The following BABAM2 variants were observed in gnomAD, a reference collection of about 807,000 sequenced individuals.
The protein encoded by BABAM2 is BRISC and BRCA1 A complex member 2.
Under a neutral mutation model 54.7 loss-of-function variants are expected in BABAM2, and 31 were observed. That is an observed-to-expected ratio of 0.57 (90% CI 0.43 to 0.77). BABAM2 has a LOEUF of 0.77. Among genes scored for constraint, BABAM2 ranks in the 30% least tolerant of loss-of-function variants. BABAM2 has a pLI of 0.00. For missense variants in BABAM2, 364 were observed against 455.8 expected (o/e 0.80, Z 1.83); for synonymous variants, 167 against 162.9 (o/e 1.03, Z -0.19).
rs199832012 is a variant in BABAM2, at chr2:28,127,978, G to GT, written c.571-1286dup. ...CCCACCACCACGCCCGGCTAATTTTGTTTTTTTGTATTTTTAGTAGAGACC... is the reference window on the plus strand; with the variant it reads ...CCCACCACCACGCCCGGCTAATTTTGTTTTTTTTGTATTTTTAGTAGAGACC... On this transcript the variant is annotated intron_variant, in intron 6 of 11. Coordinates refer to ENST00000379624, the MANE Select transcript of BABAM2 (RefSeq NM_199191.3). Among the ~76,000 whole-genome samples the GT allele has an allele frequency of 1.4e-4, 21 of 151,860 alleles. 1 individual carries two copies. In the South Asian group the frequency reaches 3.5e-3, roughly 26 times the overall value.
intron 11 of BABAM2, among the ~76,000 whole-genome samples, chr2:28,318,401 T>C (rs1689747726): frequency 6.6e-6 from 1 of 152,184 alleles, no homozygotes; most frequent in African/African-American, 2.4e-5. Context: ...TGAATTGTTA[T>C]AATAGAATAC....
intron 7 of BABAM2, among the ~76,000 whole-genome samples, chr2:28,161,274 C>G (rs528647249): frequency 6.6e-6 from 1 of 152,192 alleles, no homozygotes; most frequent in East Asian, 1.9e-4. Flanking sequence ...CTTGTACCAA[C>G]GGGCTTCACT....
chr2:28,260,008 C>A (rs1684349675), intron 10 of BABAM2, among the ~76,000 whole-genome samples: 1 of 151,778 alleles, frequency 6.6e-6, no homozygotes, highest in Non-Finnish European at 1.5e-5. Flanking sequence ...TCAAGTAATT[C>A]CTCTGCCTCA....
At position 27,941,290 on chromosome 2, in the gene BABAM2, C is replaced by T. The variant is rs542044687; in HGVS notation, c.205+11382C>T. The stretch of plus-strand genomic sequence containing the variant: ...TGTCTTTAACAATAGAGCAGCCAGG[C>T]GCGGTGGCTCACGCCTGTAATCCCA... On this transcript the variant is annotated intron_variant, in intron 3 of 11. Transcript: ENST00000379624. 3.7e-4 allele frequency among the ~76,000 whole-genome samples: 56 copies of T among 152,158 alleles called. No individual in the cohort carries two copies. In the South Asian group the frequency reaches 7.7e-3, roughly 21 times the overall value.
intron 3 of BABAM2, among the ~76,000 whole-genome samples, chr2:27,933,766 T>G (rs1342776616): frequency 7.1e-6 from 1 of 141,410 alleles, no homozygotes; most frequent in African/African-American, 2.7e-5. Flanking sequence ...CCTGGCTTGT[T>G]TTTTTTTTTT....
intron 7 of BABAM2, among the ~76,000 whole-genome samples, chr2:28,155,988 G>A (rs945705504): frequency 8.5e-5 from 13 of 152,142 alleles, no homozygotes; most frequent in African/African-American, 3.1e-4. Context: ...CACCTCCTCT[G>A]TGTGAGAAGA....
intron 1 of BABAM2, among the ~76,000 whole-genome samples, chr2:27,893,724 G>A (rs1665046287): frequency 6.6e-6 from 1 of 152,094 alleles, no homozygotes; most frequent in South Asian, 2.1e-4. Context: ...GGCCGGGTGC[G>A]GTGGCTCACG....
chr2:28,292,790 T>A (rs1208741461), intron 10 of BABAM2, among the ~76,000 whole-genome samples: 4 of 152,184 alleles, frequency 2.6e-5, no homozygotes, highest in Admixed American at 2.0e-4. Flanking sequence ...CAGGACTGAG[T>A]CACATTTCCA....
At chr2:28,306,801 A>G (rs574936938) in intron 11 of BABAM2, among the ~76,000 whole-genome samples, 172 of 151,282 alleles carry the variant, frequency 1.1e-3, no homozygotes, top group African/African-American at 4.0e-3. Context: ...GGTTCAAGCA[A>G]TTCTCCTGCC....
chr2:27,955,181 C>T (rs1003982804), intron 3 of BABAM2, among the ~76,000 whole-genome samples: 3 of 152,186 alleles, frequency 2.0e-5, no homozygotes, highest in Non-Finnish European at 4.4e-5. Context: ...GTTGCCAGCC[C>T]AAGGGCTGAT....
chr2:27,947,318 T>C (rs936681307), intron 3 of BABAM2, among the ~76,000 whole-genome samples: 2 of 152,190 alleles, frequency 1.3e-5, no homozygotes, highest in African/African-American at 2.4e-5. Context: ...GTTTGATTTT[T>C]TTCCCCCATG....
chr2:28,203,331 C>T (rs1327025287), intron 7 of BABAM2, among the ~76,000 whole-genome samples: 1 of 152,122 alleles, frequency 6.6e-6, no homozygotes, highest in Non-Finnish European at 1.5e-5. Context: ...TATTTTATTC[C>T]ATTTAGCTAC....
chr2:28,100,320 T>G lies in BABAM2; in HGVS notation c.571-28951T>G, dbSNP rs565328679. ...TCAAAAACATAAAAAATTAACCGGG[T>G]GTGGTGGCGCGTGCCTGTAATCCCA... On this transcript the variant is annotated intron_variant, in intron 6 of 11. Transcript: ENST00000379624. Among the ~76,000 whole-genome samples the G allele has an allele frequency of 3.5e-4, 53 of 151,664 alleles. 1 individual carries two copies. The South Asian group carries it at 0.011, about 31-fold the overall frequency.
At chr2:28,071,142 A>T (rs1225060546) in intron 6 of BABAM2, among the ~76,000 whole-genome samples, 1 of 152,118 alleles carries the variant, frequency 6.6e-6, no homozygotes, top group East Asian at 1.9e-4. Flanking sequence ...CACCATTCTG[A>T]CTGTTAGGAA....
chr2:27,943,459 C>T lies in BABAM2; in HGVS notation c.205+13551C>T, dbSNP rs150523212. ...TTCTGCTTTTGCCACACTGTTTTGG[C>T]TTTAGCAGGACAAACCAAGGAATAA... On this transcript the variant is annotated intron_variant, in intron 3 of 11. Transcript: ENST00000379624. Among the ~76,000 whole-genome samples the T allele has an allele frequency of 6.3e-3, 963 of 152,280 alleles. 7 individuals carry two copies. The highest frequency in any genetic ancestry group is 7.9e-3 in the Non-Finnish European group (535 of 68,014).
intron 7 of BABAM2, among the ~76,000 whole-genome samples, chr2:28,219,083 G>A (rs978502240): frequency 1.3e-5 from 2 of 152,182 alleles, no homozygotes; most frequent in African/African-American, 2.4e-5. Flanking sequence ...TTACACTTCT[G>A]TAGAACAGAA....
At chr2:27,915,426 C>T (rs1053160565) in intron 2 of BABAM2, among the ~76,000 whole-genome samples, 6 of 152,124 alleles carry the variant, frequency 3.9e-5, no homozygotes, top group Admixed American at 3.3e-4. Flanking sequence ...TGACTGTTAT[C>T]CTTATTTTAC....
chr2:28,242,285 G>A (rs2148071594), intron 9 of BABAM2, among the ~76,000 whole-genome samples: 1 of 152,316 alleles, frequency 6.6e-6, no homozygotes, highest in South Asian at 2.1e-4. Flanking sequence ...GGAGTTGAAA[G>A]CAAGCACCGA....
intron 6 of BABAM2, among the ~76,000 whole-genome samples, chr2:28,097,156 A>G (rs910475709): frequency 6.6e-6 from 1 of 152,142 alleles, no homozygotes. Context: ...GCCATGGGGA[A>G]CCATAGCTGT....
Sources: gnomAD v4.1 joint callset for allele counts (sites outside exome capture counted in the v4.1 genomes callset) on GRCh38, gnomAD v4.1.1 for gene constraint, MANE v1.5 for transcripts, NCBI Gene and HGNC (gene_info 2026-07-23, HGNC 2026-07-21) for gene names.